SDK1: variants seen among roughly 807,000 people sequenced by gnomAD.
SDK1 encodes sidekick cell adhesion molecule 1, also known as protein sidekick-1.
SDK1 carries 157 observed loss-of-function variants against 245.5 expected under a neutral mutation model. The ratio of observed to expected loss-of-function variants is 0.64; its 90% confidence interval spans 0.56 to 0.73. The LOEUF is 0.73. SDK1 is among the 30% of genes least tolerant of loss of function. The pLI is 0.00. For synonymous variants in SDK1, 1,647 were observed against 1,278.5 expected (o/e 1.29, Z -6.15); for missense variants, 3,583 against 3,002.3 (o/e 1.19, Z -4.52).
intron 35 of SDK1, among the ~76,000 whole-genome samples, chr7:4,201,228 T>C (rs565507264): frequency 6.6e-6 from 1 of 152,182 alleles, no homozygotes; most frequent in South Asian, 2.1e-4. Context: ...AGCAGGGTGA[T>C]CCCTTTAAAC....
intron 3 of SDK1, among the ~76,000 whole-genome samples, chr7:3,640,343 G>A (rs959018083): frequency 1.3e-5 from 2 of 152,148 alleles, no homozygotes; most frequent in African/African-American, 4.8e-5. Context: ...CCCCAATTAA[G>A]TCTTGTAGCT....
intron 5 of SDK1, among the ~76,000 whole-genome samples, chr7:3,846,137 C>G (rs557952646): frequency 2.6e-5 from 4 of 152,314 alleles, no homozygotes; most frequent in South Asian, 4.1e-4. Flanking sequence ...AAATGACATT[C>G]TCTCTTAATT....
At chr7:3,716,761 CAAAAAAAAAGAAA>C (rs1454577166) in intron 4 of SDK1, among the ~76,000 whole-genome samples, 15 of 91,570 alleles carry the variant, frequency 1.6e-4, no homozygotes, top group African/African-American at 5.5e-4. Context: ...CCTGTCTCAC[CAAAAAAAAAGAAA>C]AAAAAAAAAG....
At chr7:4,130,773 T>G (rs1784758555) in intron 27 of SDK1, among the ~76,000 whole-genome samples, 1 of 152,186 alleles carries the variant, frequency 6.6e-6, no homozygotes, top group Non-Finnish European at 1.5e-5. Flanking sequence ...CTTTACATTT[T>G]CATTATTAAA....
At chr7:3,862,176 G>C (rs1156570633) in intron 5 of SDK1, among the ~76,000 whole-genome samples, 1 of 152,216 alleles carries the variant, frequency 6.6e-6, no homozygotes, top group Non-Finnish European at 1.5e-5. Flanking sequence ...ATTTAGACCA[G>C]TTCTCAGCAG....
intron 5 of SDK1, among the ~76,000 whole-genome samples, chr7:3,917,162 T>C (rs1335269966): frequency 6.6e-6 from 1 of 152,256 alleles, no homozygotes; most frequent in Non-Finnish European, 1.5e-5. Context: ...CCTTCAAAAT[T>C]CTTTTCAGGC....
chr7:3,382,615 T>A (rs963034678), intron 1 of SDK1, among the ~76,000 whole-genome samples: 9 of 152,188 alleles, frequency 5.9e-5, no homozygotes, highest in African/African-American at 2.2e-4. Context: ...TTGTCCTGAT[T>A]TAAAAAATCA....
chr7:3,777,396 A>G (rs1780598492), intron 4 of SDK1, among the ~76,000 whole-genome samples: 1 of 152,230 alleles, frequency 6.6e-6, no homozygotes, highest in South Asian at 2.1e-4. Context: ...CATATAATCC[A>G]GTTTGATCCT....
chr7:3,745,948 C>A (rs1322978973), intron 4 of SDK1, among the ~76,000 whole-genome samples: 2 of 152,166 alleles, frequency 1.3e-5, no homozygotes, highest in Non-Finnish European at 2.9e-5. Flanking sequence ...CCCAGCTCCA[C>A]CACAGACTAG....
intron 38 of SDK1, among the ~76,000 whole-genome samples, chr7:4,219,382 A>G (rs1426735819): frequency 6.6e-6 from 1 of 152,264 alleles, no homozygotes; most frequent in Non-Finnish European, 1.5e-5. Flanking sequence ...AAGAGATTTA[A>G]TGGACTCACA....
intron 2 of SDK1, among the ~76,000 whole-genome samples, chr7:3,635,803 G>A (rs1310789253): frequency 6.6e-6 from 1 of 152,032 alleles, no homozygotes; most frequent in Non-Finnish European, 1.5e-5. Flanking sequence ...ACCTCCCGGG[G>A]TCAGGTGATC....
chr7:4,145,111 G>A (rs1299012617), intron 28 of SDK1, among the ~76,000 whole-genome samples: 1 of 152,204 alleles, frequency 6.6e-6, no homozygotes, highest in Non-Finnish European at 1.5e-5. Flanking sequence ...CCCTCAACTG[G>A]GCAGCACAGG....
chr7:3,319,872 C>A (rs1227860326), intron 1 of SDK1, among the ~76,000 whole-genome samples: 1 of 44,492 alleles, frequency 2.2e-5, no homozygotes, highest in African/African-American at 1.0e-4. Flanking sequence ...CTAACCCATT[C>A]TTAGTCTTTT....
At chr7:3,580,731 G>T (rs965583129) in intron 1 of SDK1, among the ~76,000 whole-genome samples, 2 of 152,104 alleles carry the variant, frequency 1.3e-5, no homozygotes, top group Admixed American at 1.3e-4. Flanking sequence ...CATTTTGGGA[G>T]ACTGAGGCAG....
chr7:3,536,333 T>C (rs1055976654), intron 1 of SDK1, among the ~76,000 whole-genome samples: 1 of 152,010 alleles, frequency 6.6e-6, no homozygotes. Context: ...CCCAAAGTGT[T>C]GGGATTATAG....
chr7:3,919,829 C>T (rs1037935993), intron 5 of SDK1, among the ~76,000 whole-genome samples: 5 of 152,146 alleles, frequency 3.3e-5, no homozygotes, highest in African/African-American at 1.2e-4. Context: ...ACTCATACCT[C>T]ACGTCTCAGA....
intron 35 of SDK1, among the ~76,000 whole-genome samples, chr7:4,200,716 C>G (rs978149586): frequency 1.3e-5 from 2 of 152,234 alleles, no homozygotes; most frequent in Non-Finnish European, 2.9e-5. Context: ...AGAGATGGCA[C>G]AGGCTCTTGT....
At chr7:3,630,948 T>C (rs979126066) in intron 2 of SDK1, among the ~76,000 whole-genome samples, 12 of 152,122 alleles carry the variant, frequency 7.9e-5, no homozygotes, top group Non-Finnish European at 1.2e-4. Context: ...TTTTTTTTTG[T>C]TTTTGGAGAC....
At chr7:3,369,218 G>A (rs542890773) in intron 1 of SDK1, among the ~76,000 whole-genome samples, 2 of 151,986 alleles carry the variant, frequency 1.3e-5, no homozygotes, top group East Asian at 1.9e-4. Context: ...CTGATTTTTT[G>A]TATTTTTAGT....
Sources: gnomAD v4.1 joint callset for allele counts (sites outside exome capture counted in the v4.1 genomes callset) on GRCh38, gnomAD v4.1.1 for gene constraint, MANE v1.5 for transcripts, NCBI Gene and HGNC (gene_info 2026-07-23, HGNC 2026-07-21) for gene names.